Variants in CAST observed in about 807,000 individuals in gnomAD.
CAST encodes the protein MIR583 host.
CAST carries 76 observed loss-of-function variants against 119.6 expected under a neutral mutation model. The observed-to-expected ratio is 0.64, with a 90% CI of 0.53 to 0.77. The LOEUF is 0.77. Ranked by LOEUF, CAST falls within the 30% of genes least tolerant of loss-of-function variation. The pLI is 0.00. For missense variants in CAST, 953 were observed against 946.5 expected, an observed-to-expected ratio of 1.01 and a Z score of -0.09; for synonymous variants, 319 against 331.6, an observed-to-expected ratio of 0.96 and a Z score of 0.41.
chr5:96,366,923 G>T, the CAST span, among the ~76,000 whole-genome samples: 1 of 152,288 alleles, frequency 6.6e-6, no homozygotes, highest in Non-Finnish European at 1.5e-5. Flanking sequence ...AGAATTTTCA[G>T]TTTTTCTGCT....
chr5:96,643,675 C>G (rs1471618086), intron 1 of CAST, among the ~76,000 whole-genome samples: 1 of 152,208 alleles, frequency 6.6e-6, no homozygotes, highest in East Asian at 1.9e-4. Flanking sequence ...GAGATGGAGA[C>G]CAACCTGGCC....
chr5:96,189,220 C>T, the CAST span, among the ~76,000 whole-genome samples: 23 of 152,090 alleles, frequency 1.5e-4, no homozygotes, highest in African/African-American at 5.3e-4. Flanking sequence ...TTGGTTTTCG[C>T]CTTTGCTTTG....
At chr5:95,979,652 T>G in the CAST span, among the ~76,000 whole-genome samples, 1 of 152,206 alleles carries the variant, frequency 6.6e-6, no homozygotes, top group Admixed American at 6.5e-5. Context: ...GTGGTCTTTT[T>G]GGGAGGGCTC....
At chr5:95,992,776 G>C in the CAST span, among the ~76,000 whole-genome samples, 1 of 152,048 alleles carries the variant, frequency 6.6e-6, no homozygotes, top group East Asian at 1.9e-4. Flanking sequence ...ACTAAAACTG[G>C]GTGAGGGGTA....
the CAST span, among the ~76,000 whole-genome samples, chr5:96,500,255 C>A: frequency 6.6e-6 from 1 of 152,176 alleles, no homozygotes; most frequent in Non-Finnish European, 1.5e-5. Flanking sequence ...TTGTTCAATG[C>A]AGGGTTGCCA....
the CAST span, among the ~76,000 whole-genome samples, chr5:96,495,961 G>T: frequency 6.6e-6 from 1 of 152,006 alleles, no homozygotes; most frequent in Non-Finnish European, 1.5e-5. Context: ...AAAAAGAAAA[G>T]GCCTTTAATT....
the CAST span, among the ~76,000 whole-genome samples, chr5:96,024,267 T>C: frequency 6.6e-6 from 1 of 152,186 alleles, no homozygotes; most frequent in Admixed American, 6.5e-5. Flanking sequence ...TATTTACCTA[T>C]GGCTAAAAAA....
At chr5:96,722,750 A>T in intron 4 of CAST, 52 bp downstream of exon 4, 1 of 1,261,246 alleles carries the variant, frequency 7.9e-7, no homozygotes. Context: ...TTGTGCTGCA[A>T]AGCAAAACAA....
the CAST span, among the ~76,000 whole-genome samples, chr5:96,085,103 A>T: frequency 6.6e-6 from 1 of 152,206 alleles, no homozygotes; most frequent in Non-Finnish European, 1.5e-5. Context: ...TACAGCTCTG[A>T]TGAAGTCATC....
chr5:96,022,898 T>A, the CAST span, among the ~76,000 whole-genome samples: 1 of 152,190 alleles, frequency 6.6e-6, no homozygotes, highest in Non-Finnish European at 1.5e-5. Flanking sequence ...GGGCCCCCAC[T>A]TATCAAGGGT....
At chr5:96,098,951 A>G in the CAST span, among the ~76,000 whole-genome samples, 1 of 152,224 alleles carries the variant, frequency 6.6e-6, no homozygotes, top group South Asian at 2.1e-4. Flanking sequence ...TTTCCTATCC[A>G]TGAGCATGGA....
chr5:96,738,787 TAGTC>T (rs1272372231), intron 11 of CAST, among the ~76,000 whole-genome samples: 3 of 151,758 alleles, frequency 2.0e-5, no homozygotes, highest in South Asian at 2.1e-4. Flanking sequence ...ACAAAAAAAT[TAGTC>T]AGGAATGTTG....
rs113414631 is a variant in CAST at position 96,702,521 on chromosome 5, G to C, written c.210+6614G>C. Among the ~76,000 whole-genome samples the C allele has an allele frequency of 2.2e-3, 335 of 152,304 alleles. 2 individuals are homozygous for C. Among genetic ancestry groups the C allele is most frequent in the South Asian group, 1.0e-2 (48 of 4,824 alleles). ...AAGAGGTCTTCGGGGGAGCATATTT[G>C]CGAAGTGCACCCACCGTCGTTGCCT... On this transcript the variant is annotated intron_variant, in intron 3 of 31. Coordinates refer to ENST00000675179, the MANE Select transcript of CAST (RefSeq NM_001750.7).
the CAST span, among the ~76,000 whole-genome samples, chr5:96,025,294 G>A: frequency 6.6e-6 from 1 of 152,028 alleles, no homozygotes; most frequent in Admixed American, 6.6e-5. Context: ...ACAGATGATC[G>A]TCTTCTCTTA....
intron 10 of CAST, 116 bp from the exon 11 acceptor site, chr5:96,737,733 T>C (rs1285344586): frequency 3.4e-6 from 2 of 596,650 alleles, no homozygotes; most frequent in South Asian, 4.3e-5. Context: ...GGGAACTATT[T>C]GAAGAACTTT....
chr5:96,165,587 T>C, the CAST span, among the ~76,000 whole-genome samples: 1 of 152,192 alleles, frequency 6.6e-6, no homozygotes, highest in Non-Finnish European at 1.5e-5. Flanking sequence ...TATTTACAAG[T>C]AACAACATAT....
chr5:96,734,145 G>A (rs539929547), intron 9 of CAST, among the ~76,000 whole-genome samples: 1 of 152,362 alleles, frequency 6.6e-6, no homozygotes, highest in East Asian at 1.9e-4. Flanking sequence ...GTTGAAAAGT[G>A]TAAGATGTGT....
chr5:96,261,741 A>G, the CAST span, among the ~76,000 whole-genome samples: 1 of 152,248 alleles, frequency 6.6e-6, no homozygotes, highest in Non-Finnish European at 1.5e-5. Context: ...GGAACAAAAA[A>G]AAAGGCCCCT....
upstream of CAST, among the ~76,000 whole-genome samples, chr5:96,520,611 A>G (rs1002042688): frequency 2.0e-5 from 3 of 151,864 alleles, no homozygotes; most frequent in African/African-American, 4.8e-5. Context: ...GTGTGTGTCT[A>G]TGTATATGTG....
Sources: gnomAD v4.1 joint callset for allele counts (sites outside exome capture counted in the v4.1 genomes callset) on GRCh38, gnomAD v4.1.1 for gene constraint, MANE v1.5 for transcripts, NCBI Gene and HGNC (gene_info 2026-07-23, HGNC 2026-07-21) for gene names.